LRP1B: variants seen among roughly 807,000 people sequenced by gnomAD.
LRP1B encodes the protein low-density lipoprotein receptor-related protein 1B.
Under a neutral mutation model 556.6 loss-of-function variants are expected in LRP1B, and 217 were observed. The observed-to-expected ratio is 0.39, with a 90% CI of 0.35 to 0.44. The LOEUF is 0.44. LRP1B is among the 20% of genes least tolerant of loss of function. The pLI is 1.00. For synonymous variants in LRP1B, 2,047 were observed against 1,865.8 expected (o/e 1.10, Z -2.50); for missense variants, 5,053 against 5,620.8 (o/e 0.90, Z 3.23).
At chr2:141,610,878 G>T in intron 2 of LRP1B, among the ~76,000 whole-genome samples, 1 of 152,266 alleles carries the variant, frequency 6.6e-6, no homozygotes, top group East Asian at 1.9e-4. Flanking sequence ...GTATTATTTT[G>T]AAGTTCTTTT....
intron 2 of LRP1B, among the ~76,000 whole-genome samples, chr2:141,610,323 A>ATTATACTTTAAAACTTAAAGT (rs143503631): frequency 8.1e-6 from 1 of 122,708 alleles, no homozygotes; most frequent in African/African-American, 3.6e-5. Context: ...CTTAAAGTAT[A>ATTATACTTTAAAACTTAAAGT]ATAATAATAA....
intron 67 of LRP1B, among the ~76,000 whole-genome samples, chr2:140,385,021 G>T (rs573118165): frequency 6.6e-6 from 1 of 152,226 alleles, no homozygotes; most frequent in Non-Finnish European, 1.5e-5. Context: ...GGAGGCCAGG[G>T]TTTATTGCGT....
chr2:141,474,099 GTCCCTTCCTTTCCTCTC>G (rs1682609869), intron 3 of LRP1B, among the ~76,000 whole-genome samples: 1 of 57,854 alleles, frequency 1.7e-5, no homozygotes, highest in Non-Finnish European at 3.5e-5. Context: ...CCTTTCCTCC[GTCCCTTCCTTTCCTCTC>G]TCCCTTCCTT....
intron 41 of LRP1B, among the ~76,000 whole-genome samples, chr2:140,615,323 C>T (rs1205857637): frequency 1.3e-5 from 2 of 152,080 alleles, no homozygotes; most frequent in African/African-American, 4.8e-5. Flanking sequence ...ATCATCATTC[C>T]CCATTCCCTA....
At chr2:140,366,760 G>A (rs1343940883) in intron 71 of LRP1B, among the ~76,000 whole-genome samples, 3 of 151,678 alleles carry the variant, frequency 2.0e-5, no homozygotes, top group African/African-American at 7.2e-5. Context: ...TATTGAATGA[G>A]AAGAAGAAGG....
intron 3 of LRP1B, among the ~76,000 whole-genome samples, chr2:141,399,104 A>T (rs958300418): frequency 9.9e-5 from 15 of 152,048 alleles, no homozygotes; most frequent in Non-Finnish European, 8.8e-5. Flanking sequence ...AAAAATACAA[A>T]AATTAGCTGG....
chr2:140,420,950 A>C (rs766639784), intron 66 of LRP1B, among the ~76,000 whole-genome samples: 7 of 150,096 alleles, frequency 4.7e-5, no homozygotes, highest in East Asian at 2.0e-4. Flanking sequence ...CAAATTGTAC[A>C]TTTTAAATAT....
At chr2:141,777,769 C>T (rs190095911) in intron 2 of LRP1B, among the ~76,000 whole-genome samples, 4 of 152,074 alleles carry the variant, frequency 2.6e-5, no homozygotes, top group Non-Finnish European at 4.4e-5. Flanking sequence ...TTAGAACCTT[C>T]CATAATCTTA....
chr2:142,118,517 T>C (rs900220608), intron 1 of LRP1B, among the ~76,000 whole-genome samples: 4 of 152,176 alleles, frequency 2.6e-5, no homozygotes, highest in African/African-American at 7.2e-5. Flanking sequence ...ACTGTGAGTG[T>C]GCAGTCAGTA....
intron 66 of LRP1B, among the ~76,000 whole-genome samples, chr2:140,424,091 C>T (rs1184543606): frequency 1.3e-5 from 2 of 152,056 alleles, no homozygotes; most frequent in African/African-American, 4.8e-5. Context: ...AAATCTGAAA[C>T]ATATTCATTG....
chr2:141,239,707 G>A (rs1683791133), intron 5 of LRP1B, among the ~76,000 whole-genome samples: 1 of 151,906 alleles, frequency 6.6e-6, no homozygotes, highest in Admixed American at 6.6e-5. Flanking sequence ...ATGGAGTTTG[G>A]GTGAGAAAAT....
intron 7 of LRP1B, among the ~76,000 whole-genome samples, chr2:141,079,951 G>A (rs1352955284): frequency 3.3e-5 from 5 of 152,140 alleles, no homozygotes; most frequent in Non-Finnish European, 7.3e-5. Flanking sequence ...TAAAGGACTC[G>A]TTCAATATCA....
At chr2:141,697,206 T>G (rs1691762188) in intron 2 of LRP1B, among the ~76,000 whole-genome samples, 1 of 151,970 alleles carries the variant, frequency 6.6e-6, no homozygotes, top group South Asian at 2.1e-4. Flanking sequence ...TACATTATTT[T>G]AGTAATTAAA....
At chr2:141,494,841 C>A (rs1236262599) in intron 2 of LRP1B, among the ~76,000 whole-genome samples, 1 of 43,574 alleles carries the variant, frequency 2.3e-5, no homozygotes, top group Non-Finnish European at 5.5e-5. Flanking sequence ...CACACACAAA[C>A]ACACACACAC....
chr2:140,461,763 G>C (rs1302402465), intron 60 of LRP1B, among the ~76,000 whole-genome samples: 1 of 152,034 alleles, frequency 6.6e-6, no homozygotes, highest in African/African-American at 2.4e-5. Flanking sequence ...GAACCCGGGA[G>C]GCAGAGGTTG....
At chr2:141,713,162 A>G (rs931274057) in intron 2 of LRP1B, among the ~76,000 whole-genome samples, 22 of 150,822 alleles carry the variant, frequency 1.5e-4, no homozygotes, top group African/African-American at 4.9e-4. Context: ...TGCTGGGATT[A>G]GGGGTGTGAG....
intron 1 of LRP1B, among the ~76,000 whole-genome samples, chr2:142,057,449 T>A (rs1704718518): frequency 6.6e-6 from 1 of 152,084 alleles, no homozygotes; most frequent in South Asian, 2.1e-4. Flanking sequence ...CAAATATCTC[T>A]TCCAAATGCT....
chr2:140,726,874 T>G (rs1424949782), intron 35 of LRP1B, among the ~76,000 whole-genome samples: 1 of 152,190 alleles, frequency 6.6e-6, no homozygotes, highest in Non-Finnish European at 1.5e-5. Flanking sequence ...ATCTTGCATT[T>G]TCCTCATTTT....
chr2:141,826,295 A>G (rs1696918432), intron 1 of LRP1B, among the ~76,000 whole-genome samples: 1 of 151,392 alleles, frequency 6.6e-6, no homozygotes, highest in African/African-American at 2.4e-5. Context: ...ACAGTTCTAT[A>G]TAATACATTT....
Sources: gnomAD v4.1 joint callset for allele counts (sites outside exome capture counted in the v4.1 genomes callset) on GRCh38, gnomAD v4.1.1 for gene constraint, MANE v1.5 for transcripts, NCBI Gene and HGNC (gene_info 2026-07-23, HGNC 2026-07-21) for gene names.